Variants in NBPF9 observed in about 807,000 individuals in gnomAD.
NBPF9 encodes the protein NBPF member 9.
NBPF9 carries 91 observed loss-of-function variants against 97.8 expected under a neutral mutation model. The observed-to-expected ratio is 0.93, with a 90% confidence interval of 0.79 to 1.11. The LOEUF (loss-of-function observed/expected upper bound fraction) is 1.11, where lower values mean the gene tolerates loss of function less well. Ranked by LOEUF, NBPF9 falls within the 50% of genes least tolerant of loss-of-function variation. NBPF9 has a pLI of 0.00. For missense variants in NBPF9, 992 were observed against 939.5 expected, an observed-to-expected ratio of 1.06 and a Z score of -0.73; for synonymous variants, 334 against 359.5, an observed-to-expected ratio of 0.93 and a Z score of 0.80.
chr1:149,063,659 C>A, exon 20 of NBPF9: 1 of 621,700 alleles, frequency 1.6e-6, no homozygotes, highest in Non-Finnish European at 2.8e-6. Context: ...CAAGCCAACA[C>A]GCTGTTGCTC....
At chr1:149,070,975 G>A (rs1255222157) in exon 16 of NBPF9, 3 of 1,612,580 alleles carry the variant, frequency 1.9e-6, no homozygotes, top group Non-Finnish European at 2.5e-6. Flanking sequence ...AACATGAGAG[G>A]ATGAGCCAAT....
At chr1:149,078,974 G>T (rs782587927) in intron 9 of NBPF9, 33 bp downstream of exon 9, 2 of 1,009,794 alleles carry the variant, frequency 2.0e-6, no homozygotes, top group African/African-American at 1.6e-5. Flanking sequence ...TAAGCCTGGG[G>T]TTTTGGGTCA....
rs782201157 is a variant in NBPF9 at position 149,055,862 on chromosome 1, C to A, written c.3130G>T (p.Val1044Phe). 14 of 1,608,622 alleles carry A rather than the reference C, an allele frequency of 8.7e-6. 1 individual carries two copies. Among genetic ancestry groups the A allele is most frequent in the South Asian group, 1.1e-5 (1 of 90,318 alleles). Reference sequence around the variant, plus strand: ...CATCCATCCAGTGAGTCCTGCAAGACTTCAGGCTCTTCCACTTCCATCAGC... The same window carrying A: ...CATCCATCCAGTGAGTCCTGCAAGAATTCAGGCTCTTCCACTTCCATCAGC... The change falls in exon 30 of 30, where the codon GTC (valine) becomes TTC (phenylalanine). Residue 1044 changes from valine (V) to phenylalanine (F), a missense_variant. Physicochemically the swap from Val to Phe is conservative, Grantham distance 50 (BLOSUM62 -1). This residue lies in a region of NBPF9 where 397 missense variants were observed against 213.6 expected (regional missense o/e 1.86). Transcript: ENST00000584027.
chr1:149,057,845 C>A (rs1242643314), intron 27 of NBPF9, among the ~76,000 whole-genome samples: 1 of 92,644 alleles, frequency 1.1e-5, no homozygotes, highest in African/African-American at 4.2e-5. Flanking sequence ...TTAGTGCCCT[C>A]AGGACACACA....
chr1:149,064,948 T>TGTG (rs2078936865), intron 18 of NBPF9: 2 of 533,512 alleles, frequency 3.7e-6, no homozygotes, highest in Non-Finnish European at 6.7e-6. Flanking sequence ...TCAGCTATTA[T>TGTG]GGCTTTTGTG....
Position 149,078,879 on chromosome 1 carries a change from C to A in NBPF9, c.493+128G>T, listed in dbSNP as rs1256314382. The A allele has an allele frequency of 3.8e-5, 59 of 1,541,762 alleles. 2 individuals are homozygous for A. In the Middle Eastern group the frequency reaches 2.1e-3, roughly 55 times the overall value. On this transcript the variant is annotated intron_variant, in intron 9 of 29. Transcript: ENST00000584027. The stretch of plus-strand genomic sequence containing the variant: ...CTGTTCTTACCCAGGAAGTCCTGAT[C>A]GTGTCATGGCCACATATGTGTAGCA...
downstream of NBPF9, among the ~76,000 whole-genome samples, chr1:149,052,286 A>C (rs1346569242): frequency 2.0e-5 from 3 of 152,170 alleles, no homozygotes; most frequent in Non-Finnish European, 2.9e-5. Flanking sequence ...CAACAGTACT[A>C]AGAGAACAAA....
downstream of NBPF9, among the ~76,000 whole-genome samples, chr1:149,052,873 T>C (rs75758671): frequency 1.4e-4 from 19 of 137,990 alleles, no homozygotes; most frequent in East Asian, 1.5e-3. Flanking sequence ...ACTTCAGAGC[T>C]GTAGGGGTCA....
chr1:149,071,073 A>G (rs1385209653), exon 16 of NBPF9: 1 of 1,610,864 alleles, frequency 6.2e-7, no homozygotes, highest in African/African-American at 1.3e-5. Context: ...GGCTATTTGA[A>G]TAAGTGATGG....
At chr1:149,077,069 A>C (rs376230665) in intron 11 of NBPF9, 139 bp downstream of exon 11, 1 of 629,754 alleles carries the variant, frequency 1.6e-6, no homozygotes, top group Non-Finnish European at 2.8e-6. Flanking sequence ...TGCTGTGATT[A>C]TATGTGTGAG....
intron 12 of NBPF9, 117 bp from the exon 13 acceptor site, chr1:149,073,987 T>A (rs1234066876): frequency 6.7e-6 from 4 of 601,294 alleles, no homozygotes; most frequent in Non-Finnish European, 1.2e-5. Context: ...AGTACCAGGG[T>A]CTAGACAGGG....
intron 17 of NBPF9, among the ~76,000 whole-genome samples, chr1:149,068,212 C>T (rs587732066): frequency 6.7e-6 from 1 of 148,876 alleles, no homozygotes; most frequent in Non-Finnish European, 1.5e-5. Flanking sequence ...GAAGAAACTG[C>T]ATCAACTAAC....
Position 149,082,136 on chromosome 1 carries a change from C to T in NBPF9, c.4G>A (p.Val2Met). Residue 2 changes from valine to methionine, a missense_variant, in exon 7 of 30, where the codon GTG becomes ATG. Val to Met is a conservative substitution (Grantham distance 21). Around this residue, in one of 11 missense-constraint regions of NBPF9, gnomAD observed 65 missense variants for 52.1 expected, o/e 1.25. Coordinates refer to ENST00000584027, the Ensembl canonical transcript of NBPF9. ...CTGGACCAAGGGCCGGCTGATACCACCATGCTGACGTTTGTGGCAGAAGAG... is the reference window on the plus strand; with the variant it reads ...CTGGACCAAGGGCCGGCTGATACCATCATGCTGACGTTTGTGGCAGAAGAG... 3 of 1,611,966 alleles carry T rather than the reference C, an allele frequency of 1.9e-6. No individual in the cohort carries two copies. In the East Asian group the frequency reaches 6.7e-5, roughly 36 times the overall value.
chr1:149,082,205 G>A, intron 6 of NBPF9, 31 bp from the exon 7 acceptor site: 61 of 1,594,296 alleles, frequency 3.8e-5, no homozygotes, highest in Non-Finnish European at 5.1e-5. Flanking sequence ...CATATGATGG[G>A]TTAAAAACTG....
At chr1:149,063,982 T>G in intron 19 of NBPF9, among the ~76,000 whole-genome samples, 177 bp from the exon 20 acceptor site, 1 of 108,448 alleles carries the variant, frequency 9.2e-6, no homozygotes, top group African/African-American at 3.8e-5. Context: ...TAGAAAAGGA[T>G]GAAAGAGAAA....
intron 10 of NBPF9, among the ~76,000 whole-genome samples, 184 bp downstream of exon 10, chr1:149,077,699 A>G (rs1236905343): frequency 1.3e-5 from 2 of 152,036 alleles, no homozygotes; most frequent in Admixed American, 6.6e-5. Context: ...TACAGACATG[A>G]CACTTGGCAC....
intron 5 of NBPF9, among the ~76,000 whole-genome samples, chr1:149,086,536 C>T (rs1553658528): frequency 6.6e-6 from 1 of 151,270 alleles, no homozygotes; most frequent in South Asian, 2.1e-4. Flanking sequence ...AGATAAGGGC[C>T]CCCAGCACCT....
intron 7 of NBPF9, 68 bp downstream of exon 7, chr1:149,081,894 GCAT>G: frequency 1.0e-6 from 1 of 1,000,374 alleles, no homozygotes; most frequent in South Asian, 1.3e-5. Context: ...GATGGAGAGA[GCAT>G]TTAGTGTCTC....
intron 11 of NBPF9, among the ~76,000 whole-genome samples, chr1:149,076,656 C>A (rs1386897178): frequency 6.7e-5 from 10 of 148,286 alleles, no homozygotes; most frequent in African/African-American, 2.0e-4. Flanking sequence ...GCGCCCACCA[C>A]CACGCCCAGC....
Sources: gnomAD v4.1 joint callset for allele counts (sites outside exome capture counted in the v4.1 genomes callset) on GRCh38, gnomAD v4.1.1 for gene constraint, gnomAD v4.1.1 regional missense constraint, MANE v1.5 for transcripts, NCBI Gene and HGNC (gene_info 2026-07-23, HGNC 2026-07-21) for gene names.